C3orf38: variants seen among roughly 807,000 people sequenced by gnomAD.
C3orf38 encodes chromosome 3 open reading frame 38.
C3orf38 carries 18 observed loss-of-function variants against 28.3 expected under a neutral mutation model. The observed-to-expected ratio is 0.64, with a 90% CI of 0.44 to 0.94. C3orf38 has a LOEUF of 0.94. Ranked by LOEUF, C3orf38 falls within the 40% of genes least tolerant of loss-of-function variation. C3orf38 has a pLI of 0.00. For missense variants in C3orf38, 364 were observed against 396.4 expected, an observed-to-expected ratio of 0.92 and a Z score of 0.69; for synonymous variants, 145 against 138.1, an observed-to-expected ratio of 1.05 and a Z score of -0.35.
At chr3:88,152,932 A>AT (rs1410574604) in intron 1 of C3orf38, among the ~76,000 whole-genome samples, 2 of 152,068 alleles carry the variant, frequency 1.3e-5, no homozygotes, top group African/African-American at 4.8e-5. Context: ...TAGAAAAAAT[A>AT]TTTTTTCTCA....
intron 1 of C3orf38, among the ~76,000 whole-genome samples, chr3:88,152,331 AC>A (rs1576369070): frequency 6.6e-6 from 1 of 152,058 alleles, no homozygotes; most frequent in East Asian, 1.9e-4. Context: ...AATCCCTTGA[AC>A]CCAGGAGGTG....
chr3:88,152,778 A>ACAATCATT (rs964572172), intron 1 of C3orf38, among the ~76,000 whole-genome samples: 4 of 151,524 alleles, frequency 2.6e-5, no homozygotes, highest in Admixed American at 6.6e-5. Flanking sequence ...AAAAAGAAAT[A>ACAATCATT]CAATCATTGA....
chr3:88,150,668 C>G (rs1214811999), intron 1 of C3orf38: 1 of 156,148 alleles, frequency 6.4e-6, no homozygotes, highest in African/African-American at 2.4e-5. Flanking sequence ...GATTTTCGTA[C>G]TAGGAATACA....
intron 2 of C3orf38, among the ~76,000 whole-genome samples, chr3:88,153,844 T>C (rs1707447769): frequency 6.6e-6 from 1 of 152,198 alleles, no homozygotes; most frequent in Non-Finnish European, 1.5e-5. Flanking sequence ...ATTACAGGCA[T>C]GAGCCACCAT....
intron 1 of C3orf38, 132 bp downstream of exon 1, chr3:88,150,317 G>T (rs1307090374): frequency 2.8e-6 from 3 of 1,063,144 alleles, no homozygotes. Context: ...ACGCCGACTT[G>T]GGCTGCCGGG....
intron 1 of C3orf38, among the ~76,000 whole-genome samples, chr3:88,151,790 T>C (rs1182650062): frequency 6.6e-6 from 1 of 152,136 alleles, no homozygotes; most frequent in Non-Finnish European, 1.5e-5. Flanking sequence ...AAATATTGAA[T>C]GAAAAGCTGA....
At chr3:88,152,369 C>T (rs1707425755) in intron 1 of C3orf38, among the ~76,000 whole-genome samples, 1 of 152,072 alleles carries the variant, frequency 6.6e-6, no homozygotes. Context: ...GAGATCGCGC[C>T]ACTGCACTCC....
intron 1 of C3orf38, among the ~76,000 whole-genome samples, chr3:88,152,300 C>T (rs1415854502): frequency 6.6e-6 from 1 of 151,982 alleles, no homozygotes; most frequent in Non-Finnish European, 1.5e-5. Flanking sequence ...CCTGTAACCC[C>T]TTGGGAGACT....
intron 1 of C3orf38, 31 bp downstream of exon 1, chr3:88,150,216 C>T (rs1191294296): frequency 1.9e-6 from 3 of 1,610,312 alleles, no homozygotes; most frequent in Non-Finnish European, 1.7e-6. Flanking sequence ...TAGAAGGCTG[C>T]CGCCCCTTCC....
intron 1 of C3orf38, chr3:88,151,201 G>C (rs1707407205): frequency 6.6e-6 from 1 of 152,082 alleles, no homozygotes. Flanking sequence ...CCTGGGGCAG[G>C]GGGTGGGGAA....
chr3:88,156,105 A>C lies in C3orf38; in HGVS notation c.460A>C (p.Asn154His), dbSNP rs1192759590. Residue 154 changes from asparagine (N) to histidine (H), a missense_variant, in exon 3 of 3, where the codon AAT becomes CAT. By Grantham distance (68) the Asn-to-His change is moderately conservative (BLOSUM62 1). Transcript: ENST00000318887. ...EFCHWFFGLL[N>H]SQNPFLGPPQ... ...CTGTCATTGGTTCTTTGGACTTCTT[A>C]ATTCTCAGAATCCTTTTCTAGGACC... 3.7e-6 allele frequency: 6 copies of C among 1,606,228 alleles called. No individual in the cohort carries two copies. Among genetic ancestry groups the C allele is most frequent in the Non-Finnish European group, 5.1e-6 (6 of 1,177,468 alleles).
In C3orf38 at chr3:88,157,535, C is replaced by T. The variant is rs749017143; in HGVS notation, c.*900C>T. ...ATGACAAAAAAAACCCCAAAACAAC[C>T]CATGCATGTATAATGTGTGTATACA... On this transcript the variant is annotated 3_prime_UTR_variant, in exon 3 of 3. Transcript: ENST00000318887. The T allele has an allele frequency of 2.6e-5, 4 of 152,130 alleles. No homozygotes were observed. Among genetic ancestry groups the T allele is most frequent in the Non-Finnish European group, 2.9e-5 (2 of 68,004 alleles). The allele number at this position is 152,130 out of a possible 1,614,324, so 9.4% of individuals were successfully genotyped here.
At chr3:88,152,364 C>T (rs7427704) in intron 1 of C3orf38, among the ~76,000 whole-genome samples, 119,048 of 151,944 alleles carry the variant, frequency 0.78, 47,556 homozygotes, top group South Asian at 0.91. Context: ...CAGCTGAGAT[C>T]GCGCCACTGC....
intron 2 of C3orf38, 138 bp from the exon 3 acceptor site, chr3:88,155,883 T>C: frequency 1.7e-6 from 1 of 575,598 alleles, no homozygotes. Context: ...CTATGCATAA[T>C]GGGTTCAGCA....
rs1262222882 is a variant in C3orf38, at chr3:88,153,402, A to C, written c.306A>C (p.Gln102His). 6.2e-7 allele frequency: 1 copy of C among 1,614,158 alleles called. No individual in the cohort carries two copies. The highest frequency in any genetic ancestry group is 8.5e-7 in the Non-Finnish European group (1 of 1,180,026). The stretch of plus-strand genomic sequence containing the variant: ...ATGCAAAAGATTACTGGCAAAAGCA[A>C]CCACAACTGAAATTGAAGGAAACGC... The part of the protein sequence containing the change: ...IQHAKDYWQK[Q>H]PQLKLKETPE... Residue 102 changes from glutamine to histidine, a missense_variant, in exon 2 of 3, where the codon CAA (glutamine) becomes CAC (histidine). Coordinates refer to ENST00000318887, the MANE Select transcript of C3orf38 (RefSeq NM_173824.4).
Position 88,156,540 on chromosome 3 carries a change from G to T in C3orf38, c.895G>T (p.Glu299Ter). 6.2e-7 allele frequency: 1 copy of T among 1,614,070 alleles called. No individual in the cohort carries two copies. The highest frequency in any genetic ancestry group is 1.1e-5 in the South Asian group (1 of 91,082). ...PSVKFEQSDL[E>*]AFYNVITVCG... ...TGTTAAATTTGAACAAAGTGATCTA[G>T]AGGCCTTTTATAATGTAATCACTGT... The change falls in exon 3 of 3, where the codon GAG becomes TAG. Residue 299 changes from glutamate to a stop codon, truncating the protein, a stop_gained. Transcript: ENST00000318887. LOFTEE classifies it high-confidence loss of function.
In C3orf38 at chr3:88,156,698, C is replaced by G. The variant is rs7427416; in HGVS notation, c.*63C>G. The G allele has an allele frequency of 6.6e-7, 1 of 1,516,500 alleles. No homozygotes were observed. The highest frequency in any genetic ancestry group is 8.9e-7 in the Non-Finnish European group (1 of 1,129,664). 93.9% of individuals were successfully genotyped at this position (1,516,500 alleles called of 1,614,324 possible). ...TGGGTTTACCTGACCCTCTAAAGCG[C>G]TAAGTACTGTCAGCCTGAAAAAAAT... On this transcript the variant is annotated 3_prime_UTR_variant, in exon 3 of 3. Coordinates refer to ENST00000318887, the MANE Select transcript of C3orf38 (RefSeq NM_173824.4).
At position 88,156,401 on chromosome 3, in the gene C3orf38, A is replaced by T. The variant is rs759503705; in HGVS notation, c.756A>T (p.Gln252His). 3 of 1,614,088 alleles carry T rather than the reference A, an allele frequency of 1.9e-6. No homozygotes were observed. Residue 252 changes from glutamine to histidine, a missense_variant, in exon 3 of 3, where the codon CAA becomes CAT. Physicochemically the swap from Gln to His is conservative, Grantham distance 24. Transcript: ENST00000318887. The stretch of plus-strand genomic sequence containing the variant: ...ACACTTGTTTGGGCATTTTTGAACA[A>T]ATTTTTGGACTCATCCGCTGCCCTT... ...RGNTCLGIFE[Q>H]IFGLIRCPFV...
chr3:88,153,357 A>G lies in C3orf38; in HGVS notation c.261A>G (p.Glu87=). The G allele has an allele frequency of 6.2e-7, 1 of 1,614,118 alleles. No homozygotes were observed. Among genetic ancestry groups the G allele is most frequent in the Non-Finnish European group, 8.5e-7 (1 of 1,180,022 alleles). Residue 87 remains glutamate, a synonymous_variant, in exon 2 of 3, where the codon GAA becomes GAG. Transcript: ENST00000318887. ...TQGIVIPPAT[E]KHNLIQHAKD... ...GGATTGTTATACCTCCAGCTACTGA[A>G]AAACACAATCTTATTCAGCATGCAA...
Sources: allele counts gnomAD v4.1 joint callset (sites outside exome capture counted in the v4.1 genomes callset), GRCh38; gene constraint gnomAD v4.1.1; transcripts MANE v1.5; gene names NCBI Gene and HGNC (gene_info 2026-07-23, HGNC 2026-07-21).